The following BCAR3 variants were observed in gnomAD, a reference collection of about 807,000 sequenced individuals.
BCAR3 encodes the protein breast cancer anti-estrogen resistance protein 3.
Under a neutral mutation model 80.1 loss-of-function variants are expected in BCAR3, and 37 were observed. That is an observed-to-expected ratio of 0.46 (90% CI 0.36 to 0.61). The LOEUF (loss-of-function observed/expected upper bound fraction) is 0.61. Ranked by LOEUF, BCAR3 falls within the 20% of genes least tolerant of loss-of-function variation. The pLI, the probability that BCAR3 is intolerant of heterozygous loss-of-function variation, is 0.00. For missense variants in BCAR3, 978 were observed against 1,068.2 expected (o/e 0.92, Z 1.18); for synonymous variants, 389 against 418.9 (o/e 0.93, Z 0.87).
chr1:93,706,180 G>C (rs916742418), intron 2 of BCAR3: 1 of 152,210 alleles, frequency 6.6e-6, no homozygotes, highest in African/African-American at 2.4e-5. Context: ...TCTCAGGTGG[G>C]TGTGAGGCAA....
At chr1:93,812,371 T>C (rs1653877451) in intron 2 of BCAR3, among the ~76,000 whole-genome samples, 1 of 152,124 alleles carries the variant, frequency 6.6e-6, no homozygotes, top group Admixed American at 6.5e-5. Flanking sequence ...TACCTCTTCA[T>C]ACCTCTATCA....
Position 93,589,337 on chromosome 1 carries a change from C to T in BCAR3, c.569G>A (p.Cys190Tyr), listed in dbSNP as rs1225932897. The T allele has an allele frequency of 1.9e-6, 3 of 1,614,160 alleles. No individual in the cohort carries two copies. Among genetic ancestry groups the T allele is most frequent in the Admixed American group, 1.7e-5 (1 of 60,028 alleles). ...LSSPGNFVLT[C>Y]QWKNLAQHFK... ...GTGCTGAGCGAGGTTCTTCCACTGACAGGTCAGGACAAAGTTCCCAGGGCT... is the reference window on the plus strand; with the variant it reads ...GTGCTGAGCGAGGTTCTTCCACTGATAGGTCAGGACAAAGTTCCCAGGGCT... The change falls in exon 5 of 12, where the codon TGT (cysteine) becomes TAT (tyrosine). Residue 190 changes from cysteine to tyrosine, a missense_variant. By Grantham distance (194) the Cys-to-Tyr change is radical (BLOSUM62 -2). Transcript: ENST00000260502.
At chr1:93,720,267 A>G (rs973706837) in intron 2 of BCAR3, 3 of 152,172 alleles carry the variant, frequency 2.0e-5, no homozygotes, top group Admixed American at 6.5e-5. Context: ...TGCACATTGC[A>G]TCTCTGAATG....
At chr1:93,768,796 A>G (rs1557682129) in intron 2 of BCAR3, among the ~76,000 whole-genome samples, 2 of 152,158 alleles carry the variant, frequency 1.3e-5, no homozygotes, top group Non-Finnish European at 2.9e-5. Flanking sequence ...CAGCCTGTAA[A>G]ACAAACAGGG....
intron 3 of BCAR3, chr1:93,602,233 C>T (rs1011128760): frequency 6.6e-6 from 1 of 152,120 alleles, no homozygotes; most frequent in Admixed American, 6.6e-5. Context: ...GACTACAGGT[C>T]TGCACCACCA....
intron 2 of BCAR3, among the ~76,000 whole-genome samples, chr1:93,832,587 A>G (rs911913023): frequency 6.6e-6 from 1 of 152,072 alleles, no homozygotes; most frequent in Non-Finnish European, 1.5e-5. Context: ...GCTTTGGGTA[A>G]CTCTTACAGT....
intron 2 of BCAR3, among the ~76,000 whole-genome samples, chr1:93,813,831 C>T (rs1048991877): frequency 2.0e-5 from 3 of 152,174 alleles, no homozygotes; most frequent in Non-Finnish European, 4.4e-5. Context: ...TTTTTCTCAG[C>T]CCAGGATCCA....
intron 2 of BCAR3, among the ~76,000 whole-genome samples, chr1:93,817,319 C>T (rs1057207967): frequency 2.6e-5 from 4 of 152,254 alleles, no homozygotes; most frequent in African/African-American, 9.6e-5. Flanking sequence ...TGGCATTGCT[C>T]TCTGGTTTTT....
intron 2 of BCAR3, among the ~76,000 whole-genome samples, chr1:93,828,092 A>G (rs1479706992): frequency 6.6e-6 from 1 of 152,154 alleles, no homozygotes; most frequent in Non-Finnish European, 1.5e-5. Context: ...TGATTGCACC[A>G]CTGCATACCA....
chr1:93,721,419 C>T (rs919089367), intron 2 of BCAR3, among the ~76,000 whole-genome samples: 5 of 152,152 alleles, frequency 3.3e-5, no homozygotes, highest in African/African-American at 9.7e-5. Flanking sequence ...ACTCAAATGT[C>T]CCCTCCCCTG....
At chr1:93,781,063 T>A (rs1410950654) in intron 2 of BCAR3, among the ~76,000 whole-genome samples, 1 of 151,736 alleles carries the variant, frequency 6.6e-6, no homozygotes, top group Non-Finnish European at 1.5e-5. Context: ...AGCTGTGGAG[T>A]GGAGGAGATT....
At chr1:93,622,015 G>A (rs1675330863) in intron 3 of BCAR3, among the ~76,000 whole-genome samples, 1 of 152,196 alleles carries the variant, frequency 6.6e-6, no homozygotes, top group Non-Finnish European at 1.5e-5. Flanking sequence ...GGGACTACAG[G>A]CACCCGCCAC....
At chr1:93,845,233 C>T (rs1410426759) in intron 2 of BCAR3, among the ~76,000 whole-genome samples, 1 of 151,952 alleles carries the variant, frequency 6.6e-6, no homozygotes, top group East Asian at 1.9e-4. Flanking sequence ...GGTTTTCCCA[C>T]AGGCATACAG....
intron 2 of BCAR3, among the ~76,000 whole-genome samples, chr1:93,745,491 A>T (rs777516445): frequency 1.8e-4 from 27 of 151,816 alleles, no homozygotes; most frequent in Non-Finnish European, 2.8e-4. Flanking sequence ...TGGGAGATCA[A>T]GATGCTTTTA....
chr1:93,785,795 T>C lies in BCAR3; in HGVS notation c.-63+59772A>G, dbSNP rs72967313. Reference sequence around the variant, plus strand: ...TAACCATGACACTTTTTCTATCAAATGGTGGAGGTTACTTTTCCTCCCCTG... The same window carrying C: ...TAACCATGACACTTTTTCTATCAAACGGTGGAGGTTACTTTTCCTCCCCTG... On this transcript the variant is annotated intron_variant, in intron 2 of 13. Coordinates refer to the BCAR3 transcript ENST00000370244. Among the ~76,000 whole-genome samples, 348 of 152,352 alleles carry C rather than the reference T, an allele frequency of 2.3e-3. 2 individuals carry two copies. Among genetic ancestry groups the C allele is most frequent in the African/African-American group, 8.1e-3 (335 of 41,586 alleles).
intron 2 of BCAR3, among the ~76,000 whole-genome samples, chr1:93,716,651 G>A (rs1283381314): frequency 1.3e-5 from 2 of 152,232 alleles, no homozygotes; most frequent in African/African-American, 4.8e-5. Context: ...GGAATGCCGA[G>A]AAAGGGTGCC....
intron 1 of BCAR3, among the ~76,000 whole-genome samples, chr1:93,676,307 G>A (rs1256958107): frequency 6.6e-6 from 1 of 152,202 alleles, no homozygotes; most frequent in Non-Finnish European, 1.5e-5. Context: ...TGACATTAGA[G>A]TGTGTAAAGA....
chr1:93,622,154 C>A (rs574130774), intron 3 of BCAR3, among the ~76,000 whole-genome samples: 1 of 152,198 alleles, frequency 6.6e-6, no homozygotes, highest in African/African-American at 2.4e-5. Flanking sequence ...CCTCCTAGGC[C>A]TCCCAAAGTG....
intron 3 of BCAR3, among the ~76,000 whole-genome samples, chr1:93,600,221 G>T (rs946665027): frequency 2.0e-5 from 3 of 152,258 alleles, no homozygotes; most frequent in Non-Finnish European, 4.4e-5. Context: ...TGTTCCTCCA[G>T]AATCCTGAGC....
Sources: gnomAD v4.1 joint callset for allele counts (sites outside exome capture counted in the v4.1 genomes callset) on GRCh38, gnomAD v4.1.1 for gene constraint, MANE v1.5 for transcripts, NCBI Gene and HGNC (gene_info 2026-07-23, HGNC 2026-07-21) for gene names.